TMTC1: variants seen among roughly 807,000 people sequenced by gnomAD.
The protein encoded by TMTC1 is transmembrane O-mannosyltransferase targeting cadherins 1.
Under a neutral mutation model 104.8 loss-of-function variants are expected in TMTC1, and 73 were observed. The ratio of observed to expected loss-of-function variants is 0.70; its 90% CI spans 0.58 to 0.85. The LOEUF (loss-of-function observed/expected upper bound fraction) is 0.85. Among genes scored for constraint, TMTC1 ranks in the 40% least tolerant of loss-of-function variants. TMTC1 has a pLI of 0.00. For missense variants in TMTC1, 1,035 were observed against 1,096.1 expected, an observed-to-expected ratio of 0.94 and a Z score of 0.79; for synonymous variants, 434 against 428.7, an observed-to-expected ratio of 1.01 and a Z score of -0.15.
At position 29,718,703 on chromosome 12, in the gene TMTC1, G is replaced by A. The variant is rs567299767; in HGVS notation, c.938+32963C>T. On this transcript the variant is annotated intron_variant, in intron 5 of 17. Transcript: ENST00000539277. ...AATTCCAGCACTTTGGGAGGCTGAG[G>A]TGGGTGGATCATGAGGTGAGGAGAT... Among the ~76,000 whole-genome samples, 4 of 152,280 alleles carry A rather than the reference G, an allele frequency of 2.6e-5. No individual in the cohort carries two copies. In the East Asian group the frequency reaches 5.8e-4, roughly 22 times the overall value.
In TMTC1 at chr12:29,658,100, C is replaced by G. The variant is rs763575299; in HGVS notation, c.939-24764G>C. Among the ~76,000 whole-genome samples, 57 of 151,826 alleles carry G rather than the reference C, an allele frequency of 3.8e-4. 1 individual carries two copies. Among genetic ancestry groups the G allele is most frequent in the Admixed American group, 9.8e-4 (15 of 15,254 alleles). On this transcript the variant is annotated intron_variant, in intron 5 of 17. Coordinates refer to ENST00000539277, the MANE Select transcript of TMTC1 (RefSeq NM_001193451.2). ...AGAGTGAGACTCCATGTCAAAAAAA[C>G]AAAAACAAAAACAAAAAACAAAAAA...
chr12:29,588,172 A>C (rs962875104), intron 7 of TMTC1, among the ~76,000 whole-genome samples: 1 of 152,154 alleles, frequency 6.6e-6, no homozygotes, highest in Non-Finnish European at 1.5e-5. Context: ...TGTTCTCCAA[A>C]CCCCCACCAC....
intron 9 of TMTC1, among the ~76,000 whole-genome samples, chr12:29,569,582 G>A (rs1042461534): frequency 1.3e-5 from 2 of 152,220 alleles, no homozygotes; most frequent in African/African-American, 4.8e-5. Flanking sequence ...TCAAAATAAA[G>A]GCAATCTTCC....
intron 8 of TMTC1, among the ~76,000 whole-genome samples, chr12:29,578,332 G>C (rs539984635): frequency 2.0e-5 from 3 of 152,006 alleles, no homozygotes; most frequent in South Asian, 4.1e-4. Flanking sequence ...TGAACAGTTT[G>C]TGAAAAAAAG....
intron 5 of TMTC1, 115 bp downstream of exon 5, chr12:29,751,551 G>A (rs1423117837): frequency 1.1e-5 from 11 of 1,039,732 alleles, no homozygotes; most frequent in Non-Finnish European, 1.6e-5. Flanking sequence ...GAAGCATGAA[G>A]AGAGGGAGGT....
At chr12:29,599,587 C>T (rs1005677017) in intron 7 of TMTC1, among the ~76,000 whole-genome samples, 6 of 152,290 alleles carry the variant, frequency 3.9e-5, no homozygotes, top group African/African-American at 1.4e-4. Flanking sequence ...ACTCATTCTG[C>T]ACTTTTCTTG....
At chr12:29,768,103 A>C in intron 1 of TMTC1, 28 bp from the exon 2 acceptor site, 1 of 1,508,676 alleles carries the variant, frequency 6.6e-7, no homozygotes, top group Non-Finnish European at 8.9e-7. Flanking sequence ...AAAGAAAAAA[A>C]CTGCATTAGC....
chr12:29,684,846 C>A lies in TMTC1; in HGVS notation c.939-51510G>T, dbSNP rs146264907. On this transcript the variant is annotated intron_variant, in intron 5 of 17. Coordinates refer to ENST00000539277, the MANE Select transcript of TMTC1 (RefSeq NM_001193451.2). The stretch of plus-strand genomic sequence containing the variant: ...TATTATTTTCTAACACTGTTAACTG[C>A]AAATGACTGGTTATTGTGAACACAA... Among the ~76,000 whole-genome samples, 402 of 152,286 alleles carry A rather than the reference C, an allele frequency of 2.6e-3. 9 individuals carry two copies. The highest frequency in any genetic ancestry group is 0.024 in the Admixed American group (365 of 15,292).
chr12:29,721,794 C>A (rs1319042990), intron 5 of TMTC1, among the ~76,000 whole-genome samples: 1 of 151,794 alleles, frequency 6.6e-6, no homozygotes, highest in Non-Finnish European at 1.5e-5. Context: ...TAGGTTATTT[C>A]TGTTGATATC....
chr12:29,616,185 TA>T (rs1946972966), intron 6 of TMTC1, among the ~76,000 whole-genome samples: 1 of 152,314 alleles, frequency 6.6e-6, no homozygotes, highest in Admixed American at 6.5e-5. Context: ...TTATTTAGAG[TA>T]ACCTTACTTA....
intron 2 of TMTC1, among the ~76,000 whole-genome samples, chr12:29,763,691 C>A (rs987086698): frequency 2.0e-5 from 3 of 152,198 alleles, no homozygotes; most frequent in Non-Finnish European, 4.4e-5. Flanking sequence ...GAAGGCTTCA[C>A]AGGTCTGGCC....
chr12:29,697,568 T>C (rs1397774862), intron 5 of TMTC1, among the ~76,000 whole-genome samples: 1 of 151,768 alleles, frequency 6.6e-6, no homozygotes, highest in Non-Finnish European at 1.5e-5. Context: ...CATGTGATTA[T>C]GGAGGCTAGA....
chr12:29,763,215 T>G (rs1943392215), intron 2 of TMTC1, among the ~76,000 whole-genome samples: 1 of 152,170 alleles, frequency 6.6e-6, no homozygotes, highest in Non-Finnish European at 1.5e-5. Flanking sequence ...ATATAAAGAA[T>G]GTAGTGTCCC....
chr12:29,546,048 T>A (rs765820280), intron 10 of TMTC1, among the ~76,000 whole-genome samples: 1 of 152,054 alleles, frequency 6.6e-6, no homozygotes, highest in Non-Finnish European at 1.5e-5. Context: ...CTCACTAAGC[T>A]CTCCCAGCTG....
intron 7 of TMTC1, among the ~76,000 whole-genome samples, chr12:29,585,334 A>G (rs1410815403): frequency 1.3e-5 from 2 of 151,974 alleles, no homozygotes; most frequent in Non-Finnish European, 2.9e-5. Flanking sequence ...CAGATTCTGG[A>G]TATTAGCCCT....
At chr12:29,776,032 T>C (rs1318908964) in intron 1 of TMTC1, among the ~76,000 whole-genome samples, 3 of 152,206 alleles carry the variant, frequency 2.0e-5, no homozygotes, top group African/African-American at 7.2e-5. Context: ...GTTTCTCTGA[T>C]AACATATTTT....
chr12:29,733,066 T>C (rs909915377), intron 5 of TMTC1, among the ~76,000 whole-genome samples: 2 of 152,214 alleles, frequency 1.3e-5, no homozygotes, highest in African/African-American at 4.8e-5. Context: ...AAATAGTGAC[T>C]GCATGTGTTA....
intron 5 of TMTC1, among the ~76,000 whole-genome samples, chr12:29,733,991 A>T (rs1942609556): frequency 6.6e-6 from 1 of 152,112 alleles, no homozygotes. Flanking sequence ...TACATCCAAG[A>T]CTTTACTGGG....
chr12:29,761,840 C>T (rs1943357998), intron 2 of TMTC1, among the ~76,000 whole-genome samples: 1 of 152,138 alleles, frequency 6.6e-6, no homozygotes, highest in African/African-American at 2.4e-5. Context: ...TATAAGCATC[C>T]TGATGCAATG....
Sources: gnomAD v4.1 joint callset for allele counts (sites outside exome capture counted in the v4.1 genomes callset) on GRCh38, gnomAD v4.1.1 for gene constraint, MANE v1.5 for transcripts, NCBI Gene and HGNC (gene_info 2026-07-23, HGNC 2026-07-21) for gene names.